Variants in HFM1 observed in about 807,000 individuals in gnomAD.
The protein encoded by HFM1 is probable ATP-dependent DNA helicase HFM1.
Under a neutral mutation model 192.1 loss-of-function variants are expected in HFM1, and 169 were observed. The ratio of observed to expected loss-of-function variants is 0.88; its 90% confidence interval spans 0.78 to 1.00. HFM1 has a LOEUF of 1.00. Among genes scored for constraint, HFM1 ranks in the 50% least tolerant of loss-of-function variants. HFM1 has a pLI of 0.00. For synonymous variants in HFM1, 525 were observed against 537.8 expected, an observed-to-expected ratio of 0.98 and a Z score of 0.33; for missense variants, 1,661 against 1,668.0, an observed-to-expected ratio of 1.00 and a Z score of 0.07.
chr1:91,386,316 T>C (rs1662215600), intron 4 of HFM1, among the ~76,000 whole-genome samples: 1 of 152,056 alleles, frequency 6.6e-6, no homozygotes, highest in Admixed American at 6.6e-5. Context: ...GGTACTGAGG[T>C]CTCCTGCCAA....
chr1:91,307,729 T>C (rs1037964269), intron 30 of HFM1, among the ~76,000 whole-genome samples: 7 of 152,278 alleles, frequency 4.6e-5, no homozygotes, highest in African/African-American at 1.4e-4. Context: ...GCTGGGATTA[T>C]AGGCATGAGC....
chr1:91,368,401 G>A (rs944022695), intron 13 of HFM1, among the ~76,000 whole-genome samples: 4 of 152,134 alleles, frequency 2.6e-5, no homozygotes, highest in East Asian at 1.9e-4. Flanking sequence ...CTGATCTCTC[G>A]GCAGAAACTC....
intron 20 of HFM1, among the ~76,000 whole-genome samples, chr1:91,339,889 C>G (rs1323499014): frequency 6.6e-6 from 1 of 152,048 alleles, no homozygotes; most frequent in African/African-American, 2.4e-5. Flanking sequence ...AAAAAATATT[C>G]AGGGCAACTA....
In HFM1 at chr1:91,373,331, A is replaced by G. The variant is rs17556806; in HGVS notation, c.1685+2027T>C. 3.7e-3 allele frequency among the ~76,000 whole-genome samples: 567 copies of G among 152,214 alleles called. 2 individuals are homozygous for G. Among genetic ancestry groups the G allele is most frequent in the Non-Finnish European group, 6.8e-3 (465 of 67,996 alleles). ...ACAAAATTAGGCAGAAAAAATAAGT[A>G]TCTGCTCATATCCACATGTCCAATT... On this transcript the variant is annotated intron_variant, in intron 13 of 38. Transcript: ENST00000370425.
intron 20 of HFM1, among the ~76,000 whole-genome samples, chr1:91,331,230 A>G (rs540786292): frequency 3.3e-5 from 5 of 152,238 alleles, no homozygotes; most frequent in African/African-American, 4.8e-5. Context: ...GGAAAAACAT[A>G]AAGAATCCAC....
At chr1:91,328,183 T>C (rs1174899945) in intron 20 of HFM1, among the ~76,000 whole-genome samples, 1 of 152,184 alleles carries the variant, frequency 6.6e-6, no homozygotes, top group African/African-American at 2.4e-5. Flanking sequence ...AAAATGTTGG[T>C]TTCTAGAAAA....
intron 30 of HFM1, among the ~76,000 whole-genome samples, chr1:91,286,130 A>C (rs1283102821): frequency 1.3e-5 from 2 of 152,190 alleles, no homozygotes; most frequent in East Asian, 3.9e-4. Context: ...AGTACTACCC[A>C]CAACAGAGAA....
At chr1:91,304,613 C>T (rs12746156) in intron 30 of HFM1, among the ~76,000 whole-genome samples, 30,397 of 149,804 alleles carry the variant, frequency 0.2, 3,748 homozygotes, top group South Asian at 0.36. Context: ...ATTACAGGGG[C>T]CCATCACCAC....
rs1273319361 is a variant in HFM1, at chr1:91,262,389, G to A, written c.4090C>T (p.His1364Tyr). The A allele has an allele frequency of 1.1e-5, 17 of 1,574,096 alleles. No homozygotes were observed. Among genetic ancestry groups the A allele is most frequent in the Non-Finnish European group, 1.5e-5 (17 of 1,159,824 alleles). The change falls in exon 38 of 39, where the codon CAT (histidine) becomes TAT (tyrosine). Residue 1364 changes from histidine to tyrosine, a missense_variant. His to Tyr is a moderately conservative substitution (Grantham distance 83). Coordinates refer to ENST00000370425, the MANE Select transcript of HFM1 (RefSeq NM_001017975.6). The stretch of plus-strand genomic sequence containing the variant: ...TTTTGTGGTTTTCTTTCTTGAAAAT[G>A]GACCTACATTTGAGATAAAAAATAA... ...PQQAGNAVIV[H>Y]FQERKPQNLS...
At chr1:91,280,389 T>C (rs1667349677) in intron 30 of HFM1, among the ~76,000 whole-genome samples, 2 of 152,168 alleles carry the variant, frequency 1.3e-5, no homozygotes, top group Non-Finnish European at 2.9e-5. Context: ...GATGAGACTA[T>C]AGTGGTAGTA....
At chr1:91,287,532 G>T (rs558256046) in intron 30 of HFM1, among the ~76,000 whole-genome samples, 3 of 152,204 alleles carry the variant, frequency 2.0e-5, no homozygotes, top group South Asian at 2.1e-4. Context: ...CATCAGCAAA[G>T]ACCAAAAGTA....
chr1:91,321,728 A>G (rs912797326), intron 23 of HFM1, among the ~76,000 whole-genome samples: 16 of 152,152 alleles, frequency 1.1e-4, no homozygotes, highest in African/African-American at 3.9e-4. Context: ...GGAAATGATA[A>G]TGGGAATCTA....
At position 91,316,436 on chromosome 1, in the gene HFM1, A is replaced by G; in HGVS notation, c.2853T>C (p.Thr951=). The change falls in exon 26 of 39, where the codon ACT becomes ACC. Residue 951 remains threonine (T), a synonymous_variant. Coordinates refer to ENST00000370425, the MANE Select transcript of HFM1 (RefSeq NM_001017975.6). ...LSNAIVNAGL[T]SFKKIEETDA... ...CTGTCTCTTCTATTTTTTTAAAGGAAGTCAAACCAGCATTTACGATTGCAT... is the reference window on the plus strand; with the variant it reads ...CTGTCTCTTCTATTTTTTTAAAGGAGGTCAAACCAGCATTTACGATTGCAT... The G allele has an allele frequency of 6.3e-7, 1 of 1,580,530 alleles. No individual in the cohort carries two copies. Among genetic ancestry groups the G allele is most frequent in the Non-Finnish European group, 8.6e-7 (1 of 1,159,902 alleles).
Position 91,380,925 on chromosome 1 carries a change from T to C in HFM1, c.860A>G (p.Lys287Arg). 2.8e-6 allele frequency: 4 copies of C among 1,442,662 alleles called. No individual in the cohort carries two copies. The highest frequency in any genetic ancestry group is 2.9e-6 in the Non-Finnish European group (3 of 1,027,238). The allele number at this position is 1,442,662 out of a possible 1,614,324, so 89.4% of individuals were successfully genotyped here. ...EFPYFNYIQS[K>R]AFDDLLYTDR... ...TAAAATACTTACATCATCAAAGGCC[T>C]TGGACTGTATATAGTTGAAATATGG... The change falls in exon 7 of 39, where the codon AAG becomes AGG. Residue 287 changes from lysine (K) to arginine (R), a missense_variant. By Grantham distance (26) the Lys-to-Arg change is conservative. Coordinates refer to ENST00000370425, the MANE Select transcript of HFM1 (RefSeq NM_001017975.6).
chr1:91,330,817 G>T (rs1570976665), intron 20 of HFM1, among the ~76,000 whole-genome samples: 1 of 152,136 alleles, frequency 6.6e-6, no homozygotes, highest in Non-Finnish European at 1.5e-5. Context: ...ACCAAGTGGG[G>T]TTTATCCCAG....
intron 30 of HFM1, among the ~76,000 whole-genome samples, chr1:91,290,208 T>A (rs1203686029): frequency 6.6e-6 from 1 of 152,074 alleles, no homozygotes; most frequent in Non-Finnish European, 1.5e-5. Context: ...CAATATTAAC[T>A]TTAAATGTAC....
chr1:91,311,010 A>G (rs1267186939), intron 30 of HFM1, among the ~76,000 whole-genome samples: 1 of 152,212 alleles, frequency 6.6e-6, no homozygotes, highest in Non-Finnish European at 1.5e-5. Context: ...CAGTTTGGAG[A>G]GCTCAGAGGA....
At chr1:91,268,147 A>G (rs1309539325) in intron 34 of HFM1, among the ~76,000 whole-genome samples, 2 of 152,002 alleles carry the variant, frequency 1.3e-5, no homozygotes, top group Non-Finnish European at 2.9e-5. Flanking sequence ...TATTCAGCCA[A>G]TTCTATTAAC....
At chr1:91,285,083 T>C (rs1037145068) in intron 30 of HFM1, among the ~76,000 whole-genome samples, 1 of 152,142 alleles carries the variant, frequency 6.6e-6, no homozygotes, top group Admixed American at 6.5e-5. Context: ...TTCTCTCTTG[T>C]CTGCCACCAT....
Sources: gnomAD v4.1 joint callset for allele counts (sites outside exome capture counted in the v4.1 genomes callset) on GRCh38, gnomAD v4.1.1 for gene constraint, MANE v1.5 for transcripts, NCBI Gene and HGNC (gene_info 2026-07-23, HGNC 2026-07-21) for gene names.